The following SYT1 variants were observed in gnomAD, a reference collection of about 807,000 sequenced individuals.
SYT1 encodes the protein synaptotagmin-1.
Under a neutral mutation model 44.8 loss-of-function variants are expected in SYT1, and 8 were observed. That is an observed-to-expected ratio of 0.18 (90% CI 0.10 to 0.32). The LOEUF is 0.32. Ranked by LOEUF, SYT1 falls within the 10% of genes least tolerant of loss-of-function variation. SYT1 has a pLI of 1.00. For synonymous variants in SYT1, 154 were observed against 188.8 expected (o/e 0.82, Z 1.51); for missense variants, 286 against 509.3 (o/e 0.56, Z 4.22).
intron 3 of SYT1, among the ~76,000 whole-genome samples, chr12:79,095,561 AC>A (rs2138023436): frequency 6.6e-6 from 1 of 151,984 alleles, no homozygotes; most frequent in Admixed American, 6.6e-5. Context: ...TCATTTATAG[AC>A]CTGTTTTCAC....
chr12:78,870,783 A>G (rs539835888), intron 1 of SYT1, among the ~76,000 whole-genome samples: 51 of 152,140 alleles, frequency 3.4e-4, no homozygotes, highest in African/African-American at 1.2e-3. Context: ...ATGTCACTCC[A>G]TGCCTACTGT....
intron 8 of SYT1, among the ~76,000 whole-genome samples, chr12:79,349,056 A>AGGAG (rs748213698): frequency 4.0e-5 from 5 of 125,982 alleles, no homozygotes; most frequent in African/African-American, 8.9e-5. Flanking sequence ...AAAGAAAGAA[A>AGGAG]GGAGGGAGGG....
chr12:79,076,966 C>G (rs1205240942), intron 3 of SYT1, among the ~76,000 whole-genome samples: 2 of 152,136 alleles, frequency 1.3e-5, no homozygotes, highest in Non-Finnish European at 2.9e-5. Context: ...CCCCTAACCC[C>G]AACTCTTCTC....
At chr12:79,390,961 G>T (rs897058092) in intron 9 of SYT1, among the ~76,000 whole-genome samples, 1 of 152,138 alleles carries the variant, frequency 6.6e-6, no homozygotes, top group Non-Finnish European at 1.5e-5. Context: ...TGCCATCTGT[G>T]TGGGAGCTTC....
intron 8 of SYT1, among the ~76,000 whole-genome samples, chr12:79,307,633 G>T (rs1455577662): frequency 6.7e-6 from 1 of 148,716 alleles, no homozygotes; most frequent in Non-Finnish European, 1.5e-5. Context: ...GGGGTGGGGG[G>T]GCGTGGGGGG....
chr12:79,289,890 GTTT>G (rs5799424), intron 5 of SYT1, among the ~76,000 whole-genome samples: 3 of 135,188 alleles, frequency 2.2e-5, no homozygotes, highest in Non-Finnish European at 1.6e-5. Context: ...AAACTCAGTA[GTTT>G]TTTTTTTTTT....
At chr12:79,398,816 T>A (rs552379815) in intron 9 of SYT1, among the ~76,000 whole-genome samples, 12 of 152,312 alleles carry the variant, frequency 7.9e-5, no homozygotes, top group African/African-American at 2.9e-4. Context: ...AAATAATGCA[T>A]TTTGAGTAGG....
chr12:78,881,372 T>C (rs900900760), intron 1 of SYT1, among the ~76,000 whole-genome samples: 1 of 151,780 alleles, frequency 6.6e-6, no homozygotes, highest in African/African-American at 2.4e-5. Flanking sequence ...ATTTCCAGCA[T>C]TACATTTGTC....
rs150123778 is a variant in SYT1, at chr12:79,061,657, G to A, written c.-18+14295G>A. Among the ~76,000 whole-genome samples the A allele has an allele frequency of 3.7e-3, 565 of 152,246 alleles. 4 individuals carry two copies. The highest frequency in any genetic ancestry group is 6.9e-3 in the Non-Finnish European group (471 of 68,006). ...TAGTATGAAGATTAGAAGTTCTTTG[G>A]ATGCCAGCAGGTAGACATAGCTTAA... On this transcript the variant is annotated intron_variant, in intron 3 of 10. Transcript: ENST00000261205.
At chr12:79,411,753 A>G (rs1326180913) in intron 9 of SYT1, among the ~76,000 whole-genome samples, 3 of 152,178 alleles carry the variant, frequency 2.0e-5, no homozygotes, top group Admixed American at 6.6e-5. Context: ...ATTTTATGGT[A>G]CATTTTTCCA....
At chr12:79,209,628 A>G (rs891114186) in intron 3 of SYT1, among the ~76,000 whole-genome samples, 4 of 152,112 alleles carry the variant, frequency 2.6e-5, no homozygotes, top group Non-Finnish European at 4.4e-5. Flanking sequence ...GTCAAGGGCA[A>G]TTTCTCTGGA....
chr12:79,212,525 G>A (rs1415940575), intron 3 of SYT1, among the ~76,000 whole-genome samples: 2 of 149,214 alleles, frequency 1.3e-5, no homozygotes, highest in African/African-American at 2.5e-5. Flanking sequence ...AATTGCCTGT[G>A]CTGGACTTTC....
intron 2 of SYT1, among the ~76,000 whole-genome samples, chr12:79,038,665 C>T (rs1342116706): frequency 6.6e-6 from 1 of 151,844 alleles, no homozygotes; most frequent in Non-Finnish European, 1.5e-5. Flanking sequence ...GGGTCCAAGA[C>T]AGAAAACTCT....
intron 1 of SYT1, among the ~76,000 whole-genome samples, chr12:78,878,250 T>C (rs1874278457): frequency 6.6e-6 from 1 of 151,782 alleles, no homozygotes; most frequent in Admixed American, 6.6e-5. Flanking sequence ...AACTAGTCTA[T>C]GGAAAAAATA....
At chr12:79,263,225 C>T (rs73349492) in intron 4 of SYT1, among the ~76,000 whole-genome samples, 6,659 of 151,508 alleles carry the variant, frequency 0.044, 259 homozygotes, top group East Asian at 0.13. Flanking sequence ...ATAGCACACT[C>T]CATTCACTTC....
At chr12:78,876,795 A>T (rs1375027140) in intron 1 of SYT1, among the ~76,000 whole-genome samples, 8 of 27,158 alleles carry the variant, frequency 2.9e-4, no homozygotes, top group East Asian at 9.7e-4. Context: ...TAATACATAT[A>T]ATATATTATA....
intron 2 of SYT1, among the ~76,000 whole-genome samples, chr12:79,015,100 T>C (rs1005862711): frequency 7.9e-5 from 12 of 152,040 alleles, no homozygotes; most frequent in African/African-American, 7.2e-5. Flanking sequence ...TTAGGAGATA[T>C]ACCTAATGCT....
chr12:79,406,207 G>C (rs569165052), intron 9 of SYT1, among the ~76,000 whole-genome samples: 1 of 152,228 alleles, frequency 6.6e-6, no homozygotes, highest in East Asian at 1.9e-4. Context: ...ATTATGGACA[G>C]GTGGTCAGAT....
At chr12:78,885,369 AAGGG>A (rs1164206970) in intron 1 of SYT1, among the ~76,000 whole-genome samples, 22 of 144,564 alleles carry the variant, frequency 1.5e-4, no homozygotes, top group South Asian at 5.0e-4. Flanking sequence ...GGAAGGAAGG[AAGGG>A]AGGGAGGGAG....
Sources: allele counts gnomAD v4.1 joint callset (sites outside exome capture counted in the v4.1 genomes callset), GRCh38; gene constraint gnomAD v4.1.1; transcripts MANE v1.5; gene names NCBI Gene and HGNC (gene_info 2026-07-23, HGNC 2026-07-21).